The following TSPAN4 variants were observed in gnomAD, a reference collection of about 807,000 sequenced individuals.
TSPAN4 encodes the protein tetraspanin-4.
Under a neutral mutation model 31.5 loss-of-function variants are expected in TSPAN4, and 38 were observed. That is an observed-to-expected ratio of 1.21 (90% CI 0.93 to 1.58). The LOEUF is 1.58. TSPAN4 is among the 40% of genes most tolerant of loss of function. The pLI is 0.00. For synonymous variants in TSPAN4, 186 were observed against 144.6 expected, an observed-to-expected ratio of 1.29 and a Z score of -2.06; for missense variants, 330 against 317.3, an observed-to-expected ratio of 1.04 and a Z score of -0.30.
In TSPAN4 at chr11:848,986, C is replaced by T. The variant is rs1356709079; in HGVS notation, c.-17-1302C>T. On this transcript the variant is annotated intron_variant, in intron 2 of 8. Coordinates refer to ENST00000397397, the MANE Select transcript of TSPAN4 (RefSeq NM_003271.5). This position sits in a 1 kb window ranked among gnomAD's most constrained non-coding sequence, Gnocchi z 5.7. ...GTGGGGTCTTTTACAGGCTGACTTC[C>T]AGCCTGGGCTGGAGCAAAATGAAAT... The T allele has an allele frequency of 6.3e-6, 4 of 636,856 alleles. No individual in the cohort carries two copies. Among genetic ancestry groups the T allele is most frequent in the East Asian group, 2.9e-5 (1 of 34,530 alleles). The allele number at this position is 636,856 out of a possible 1,614,324, so 39.5% of individuals were successfully genotyped here. A position where few individuals can be genotyped will look rare whatever the true frequency, so the allele number is the denominator to read the frequency against.
At chr11:863,682 G>T (rs1221716786) in intron 4 of TSPAN4, 2 of 152,472 alleles carry the variant, frequency 1.3e-5, no homozygotes, top group South Asian at 2.1e-4. Flanking sequence ...AGAACCCTGG[G>T]TACCTCCTGG....
intron 2 of TSPAN4, among the ~76,000 whole-genome samples, chr11:847,611 A>G (rs535130123): frequency 2.6e-5 from 2 of 76,548 alleles, no homozygotes; most frequent in African/African-American, 4.9e-5. Context: ...CCCCGCCCCC[A>G]CCCCCCCCCA....
rs564032979 is a variant in TSPAN4 at position 848,145 on chromosome 11, G to A, written c.-18+845G>A. Among the ~76,000 whole-genome samples, 41 of 152,346 alleles carry A rather than the reference G, an allele frequency of 2.7e-4. No homozygotes were observed. Among genetic ancestry groups the A allele is most frequent in the Middle Eastern group, 6.8e-3 (2 of 294 alleles). On this transcript the variant is annotated intron_variant, in intron 2 of 8. Transcript: ENST00000397397. The surrounding 1 kb of genome is among the most constrained non-coding windows in gnomAD (Gnocchi z 5.7). ...TCAGGTTGCACCTGCGTGGCCAGGG[G>A]AAGGGGGCCGGGCGCCATCTGCTCT... is the stretch of plus-strand genomic sequence containing the variant.
At chr11:865,876 C>T in intron 7 of TSPAN4, 42 bp from the exon 8 acceptor site, 1 of 1,612,566 alleles carries the variant, frequency 6.2e-7, no homozygotes, top group Non-Finnish European at 8.5e-7. Flanking sequence ...AGGGCGGGAC[C>T]AGCAGGCCCT....
chr11:858,820 G>C (rs3923831), intron 3 of TSPAN4: 34 of 87,862 alleles, frequency 3.9e-4, no homozygotes, highest in Admixed American at 8.0e-4. Context: ...TCCCACCCCC[G>C]CTCACACGCA....
Position 848,882 on chromosome 11 carries a change from G to A in TSPAN4, c.-17-1406G>A, listed in dbSNP as rs1363201552. The A allele has an allele frequency of 2.8e-6, 2 of 709,350 alleles. No homozygotes were observed. Among genetic ancestry groups the A allele is most frequent in the East Asian group, 2.7e-5 (1 of 36,932 alleles). 43.9% of individuals were successfully genotyped at this position (709,350 alleles called of 1,614,324 possible). ...ATCTCCGGCTGTGGGAGGTGTGTGC[G>A]CATCCGGCGTGATGACACCCAGGAG... is the stretch of plus-strand genomic sequence containing the variant. On this transcript the variant is annotated intron_variant, in intron 2 of 8. Transcript: ENST00000397397. This position sits in a 1 kb window ranked among gnomAD's most constrained non-coding sequence, Gnocchi z 5.7.
chr11:864,634 C>T, intron 5 of TSPAN4, 123 bp downstream of exon 5: 3 of 1,259,310 alleles, frequency 2.4e-6, no homozygotes, highest in Non-Finnish European at 2.3e-6. Flanking sequence ...GCAGCCAGGA[C>T]AGCGGGTGTG....
chr11:863,003 G>A lies in TSPAN4; in HGVS notation c.255+262G>A, dbSNP rs1589793036. 1.1e-5 allele frequency: 5 copies of A among 460,930 alleles called. No individual in the cohort carries two copies. The East Asian group carries it at 1.9e-4, about 17-fold the overall frequency. 28.6% of individuals were successfully genotyped at this position (460,930 alleles called of 1,614,324 possible). A position where few individuals can be genotyped will look rare whatever the true frequency, so the allele number is the denominator to read the frequency against. On this transcript the variant is annotated intron_variant, in intron 4 of 8. Coordinates refer to ENST00000397397, the MANE Select transcript of TSPAN4 (RefSeq NM_003271.5). ...ACCTTGTCAGGGGCCTCCCCTGACG[G>A]GACACTGGCCCTGGTGAGTGCAGGC...
chr11:865,990 G>C lies in TSPAN4; in HGVS notation c.637G>C (p.Ala213Pro). The C allele has an allele frequency of 6.2e-7, 1 of 1,612,122 alleles. No individual in the cohort carries two copies. The highest frequency in any genetic ancestry group is 2.2e-5 in the East Asian group (1 of 44,878). ...LAVGIFGLCTALVQILGLTFA... is the reference protein window; with the variant it reads ...LAVGIFGLCTPLVQILGLTFA... ...TGTGGGCATCTTTGGGCTGTGCACG[G>C]CGCTGGTGCAGGTATGGCCTGGGGG... The change falls in exon 8 of 9, where the codon GCG becomes CCG. Residue 213 changes from alanine to proline, a missense_variant. Coordinates refer to ENST00000397397, the MANE Select transcript of TSPAN4 (RefSeq NM_003271.5).
chr11:858,848 GGGCTCCCATGCACCCCC>G (rs1162469232), intron 3 of TSPAN4, among the ~76,000 whole-genome samples: 39 of 52,346 alleles, frequency 7.5e-4, no homozygotes, highest in African/African-American at 2.8e-3. Flanking sequence ...CTCGCATCCT[GGGCTCCCATGCACCCCC>G]GGCTCCCATG....
chr11:861,266 G>T (rs542912441), intron 3 of TSPAN4, among the ~76,000 whole-genome samples: 1 of 152,364 alleles, frequency 6.6e-6, no homozygotes, highest in East Asian at 1.9e-4. Context: ...CGGGTGGCAG[G>T]TGCTCCTGTG....
rs185711602 is a variant in TSPAN4 at position 866,250 on chromosome 11, A to G, written c.648+249A>G. On this transcript the variant is annotated intron_variant, in intron 8 of 8. Coordinates refer to ENST00000397397, the MANE Select transcript of TSPAN4 (RefSeq NM_003271.5). The stretch of plus-strand genomic sequence containing the variant: ...GGTCGTCCATGTTGGTCGGTGGCCC[A>G]GGACTGGCCAGTGCACAGAGGGTGG... 3.7e-4 allele frequency among the ~76,000 whole-genome samples: 56 copies of G among 152,186 alleles called. No homozygotes were observed. The East Asian group carries it at 7.2e-3, about 19-fold the overall frequency.
At chr11:843,097 G>C (rs10902226) in intron 1 of TSPAN4, 182 bp downstream of exon 1, 77,603 of 151,698 alleles carry the variant, frequency 0.51, 20,278 homozygotes, top group Non-Finnish European at 0.56. Flanking sequence ...GCCGGGGCGG[G>C]TCTTCCTGCC....
intron 3 of TSPAN4, among the ~76,000 whole-genome samples, chr11:861,157 CCCTG>C (rs1589787822): frequency 6.6e-6 from 1 of 152,206 alleles, no homozygotes; most frequent in Admixed American, 6.5e-5. Context: ...CCTCGTCTCC[CCCTG>C]CCTCTTCCTG....
At chr11:853,980 T>TG (rs989789433) in intron 3 of TSPAN4, among the ~76,000 whole-genome samples, 4 of 152,022 alleles carry the variant, frequency 2.6e-5, no homozygotes, top group African/African-American at 7.2e-5. Flanking sequence ...GGTGAGGGCG[T>TG]GGGGGGCTCT....
At chr11:852,786 C>T (rs1644364155) in intron 3 of TSPAN4, among the ~76,000 whole-genome samples, 1 of 152,232 alleles carries the variant, frequency 6.6e-6, no homozygotes, top group African/African-American at 2.4e-5. Flanking sequence ...GGGGATACAA[C>T]CTGGCCTCCT....
Position 860,117 on chromosome 11 carries a change from C to G in TSPAN4, c.64-2433C>G, listed in dbSNP as rs1310955167. ...GCGCTGGCAGCCTCCGGACAGCGTT[C>G]TGTTTTGAACTTTAAGCGGAGATGC... On this transcript the variant is annotated intron_variant, in intron 3 of 8. Transcript: ENST00000397397. Among the ~76,000 whole-genome samples the G allele has an allele frequency of 3.9e-5, 6 of 152,352 alleles. No individual in the cohort carries two copies. The South Asian group carries it at 8.3e-4, about 21-fold the overall frequency.
At chr11:853,558 C>A (rs1847875336) in intron 3 of TSPAN4, among the ~76,000 whole-genome samples, 1 of 152,030 alleles carries the variant, frequency 6.6e-6, no homozygotes, top group Non-Finnish European at 1.5e-5. Context: ...GGGCTGCTGG[C>A]AAGAGTCTGT....
intron 8 of TSPAN4, 54 bp from the exon 9 acceptor site, chr11:866,508 T>C (rs1848852767): frequency 6.4e-7 from 1 of 1,573,320 alleles, no homozygotes. Flanking sequence ...TGCTCTGGGC[T>C]TGAGGCCTGA....
Sources: allele counts gnomAD v4.1 joint callset (sites outside exome capture counted in the v4.1 genomes callset), GRCh38; gene constraint gnomAD v4.1.1; non-coding constraint Gnocchi (gnomAD v3.1); transcripts MANE v1.5; gene names NCBI Gene and HGNC (gene_info 2026-07-23, HGNC 2026-07-21).